CLPSL1: variants seen among roughly 807,000 people sequenced by gnomAD.
CLPSL1 encodes the protein colipase-like protein 1.
In CLPSL1, 13 loss-of-function variants were observed where a neutral mutation model predicts 9.3. The ratio of observed to expected loss-of-function variants is 1.40; its 90% confidence interval spans 0.91 to 2.22. The LOEUF (loss-of-function observed/expected upper bound fraction) is 2.22. Among genes scored for constraint, CLPSL1 ranks in the 30% most tolerant of loss-of-function variants. The probability of loss-of-function intolerance (pLI) is 0.00; values close to 1 mark genes in which losing one functional copy is unlikely to be tolerated. For synonymous variants in CLPSL1, 58 were observed against 56.9 expected (o/e 1.02, Z -0.08); for missense variants, 164 against 146.6 (o/e 1.12, Z -0.61).
At chr6:35,786,932 C>A in intron 1 of CLPSL1, 66 bp from the exon 2 acceptor site, 1 of 1,533,526 alleles carries the variant, frequency 6.5e-7, no homozygotes. Flanking sequence ...GGAGAAAGCC[C>A]CAGGCGGGGC....
At chr6:35,788,371 C>T (rs1237782095), downstream of CLPSL1, among the ~76,000 whole-genome samples, 2 of 151,686 alleles carry the variant, frequency 1.3e-5, no homozygotes, top group African/African-American at 2.4e-5. Flanking sequence ...CTGTAATCTA[C>T]CCCCCGGAAG....
intron 1 of CLPSL1, among the ~76,000 whole-genome samples, chr6:35,784,069 T>G (rs181768662): frequency 2.6e-5 from 4 of 152,208 alleles, no homozygotes; most frequent in African/African-American, 9.6e-5. Context: ...TTTTTTGTTT[T>G]TTGGGGTATA....
intron 1 of CLPSL1, among the ~76,000 whole-genome samples, chr6:35,782,225 G>C (rs934710006): frequency 3.3e-5 from 5 of 152,218 alleles, no homozygotes; most frequent in African/African-American, 1.2e-4. Flanking sequence ...GGGCGGAAAT[G>C]TGCTGGCATA....
chr6:35,785,029 CCT>C (rs1203383448), intron 1 of CLPSL1, among the ~76,000 whole-genome samples: 1 of 152,076 alleles, frequency 6.6e-6, no homozygotes, highest in African/African-American at 2.4e-5. Flanking sequence ...GCCTCTCTCC[CCT>C]GATTCTTCCC....
intron 1 of CLPSL1, among the ~76,000 whole-genome samples, chr6:35,785,531 G>A (rs1411027875): frequency 6.6e-6 from 1 of 152,038 alleles, no homozygotes; most frequent in Non-Finnish European, 1.5e-5. Flanking sequence ...CATTCCCCGG[G>A]CTCACTCACC....
chr6:35,791,360 T>C (rs138556660), downstream of CLPSL1, among the ~76,000 whole-genome samples: 7,999 of 151,144 alleles, frequency 0.053, 226 homozygotes, highest in African/African-American at 0.16. Context: ...CCTGTAATCC[T>C]AGCACTTTGG....
downstream of CLPSL1, chr6:35,788,159 C>T (rs1768126124): frequency 1.4e-6 from 1 of 690,022 alleles, no homozygotes; most frequent in Non-Finnish European, 2.6e-6. Flanking sequence ...TGTTTGCTGC[C>T]CACAGAGTTG....
downstream of CLPSL1, among the ~76,000 whole-genome samples, chr6:35,789,023 G>A (rs60861690): frequency 7.3e-3 from 1,104 of 152,062 alleles, no homozygotes; most frequent in African/African-American, 0.025. Context: ...TACTTAGAAC[G>A]CCCCCTTGTA....
chr6:35,784,029 G>C (rs1187842140), intron 1 of CLPSL1, among the ~76,000 whole-genome samples: 2 of 152,070 alleles, frequency 1.3e-5, no homozygotes, highest in Non-Finnish European at 2.9e-5. Flanking sequence ...ACAGCCTCAG[G>C]TGGCTGGGGT....
At chr6:35,785,199 A>G (rs1213498326) in intron 1 of CLPSL1, among the ~76,000 whole-genome samples, 2 of 108,780 alleles carry the variant, frequency 1.8e-5, no homozygotes, top group Non-Finnish European at 1.8e-5. Context: ...TTTTTTTGAG[A>G]CAGAGTCTCG....
chr6:35,785,580 C>G (rs1768053104), intron 1 of CLPSL1, among the ~76,000 whole-genome samples: 1 of 152,100 alleles, frequency 6.6e-6, no homozygotes, highest in Non-Finnish European at 1.5e-5. Context: ...TTTTGCTTCT[C>G]TCTGGCCCCT....
intron 1 of CLPSL1, among the ~76,000 whole-genome samples, chr6:35,783,542 C>G (rs1768009021): frequency 6.6e-6 from 1 of 151,464 alleles, no homozygotes; most frequent in Non-Finnish European, 1.5e-5. Flanking sequence ...CGCGGTGGCT[C>G]ATGCCTGTAA....
chr6:35,793,877 C>T (rs1768272867), downstream of CLPSL1, among the ~76,000 whole-genome samples: 1 of 152,252 alleles, frequency 6.6e-6, no homozygotes, highest in South Asian at 2.1e-4. Flanking sequence ...CTTCCACCTG[C>T]GTACCTGGAT....
intron 1 of CLPSL1, among the ~76,000 whole-genome samples, chr6:35,784,271 G>A (rs1768026789): frequency 6.6e-6 from 1 of 152,136 alleles, no homozygotes; most frequent in African/African-American, 2.4e-5. Context: ...GGAATGTCTG[G>A]GTTAAGATAA....
intron 1 of CLPSL1, among the ~76,000 whole-genome samples, chr6:35,786,599 T>G (rs1221035656): frequency 6.6e-6 from 1 of 152,060 alleles, no homozygotes; most frequent in Admixed American, 6.5e-5. Flanking sequence ...TGGAGGTCAT[T>G]GATGTGTGTA....
Position 35,781,172 on chromosome 6 carries a change from C to G in CLPSL1, c.62C>G (p.Thr21Ser), listed in dbSNP as rs1224689062. Reference sequence around the variant, plus strand: ...CTCTTCTTCTTTCTCTTCCTCCTCACCAGGGGCTCACTTTCTCCAACAAAA... The same window carrying G: ...CTCTTCTTCTTTCTCTTCCTCCTCAGCAGGGGCTCACTTTCTCCAACAAAA... ...FLLFFFLFLL[T>S]RGSLSPTKYN... The change falls in exon 1 of 3, where the codon ACC (threonine) becomes AGC (serine). Residue 21 changes from threonine (T) to serine (S), a missense_variant. Thr to Ser is a moderately conservative substitution (Grantham distance 58). Coordinates refer to ENST00000373861, the MANE Select transcript of CLPSL1 (RefSeq NM_001010886.5). The G allele has an allele frequency of 1.2e-6, 2 of 1,613,898 alleles. No individual in the cohort carries two copies. The highest frequency in any genetic ancestry group is 1.7e-5 in the Admixed American group (1 of 59,990).
intron 1 of CLPSL1, among the ~76,000 whole-genome samples, chr6:35,785,530 G>A (rs1768052662): frequency 6.6e-6 from 1 of 151,912 alleles, no homozygotes; most frequent in Non-Finnish European, 1.5e-5. Context: ...GCATTCCCCG[G>A]GCTCACTCAC....
intron 1 of CLPSL1, among the ~76,000 whole-genome samples, chr6:35,784,762 G>A (rs1362221383): frequency 6.6e-6 from 1 of 152,156 alleles, no homozygotes; most frequent in African/African-American, 2.4e-5. Context: ...CTGAGTTATT[G>A]GCAATGAATC....
chr6:35,782,472 A>G (rs1030018544), intron 1 of CLPSL1, among the ~76,000 whole-genome samples: 19 of 152,252 alleles, frequency 1.2e-4, no homozygotes, highest in African/African-American at 4.3e-4. Flanking sequence ...ATTTTTAAAC[A>G]TATAAATAAG....
Sources: gnomAD v4.1 joint callset for allele counts (sites outside exome capture counted in the v4.1 genomes callset) on GRCh38, gnomAD v4.1.1 for gene constraint, MANE v1.5 for transcripts, NCBI Gene and HGNC (gene_info 2026-07-23, HGNC 2026-07-21) for gene names.